Variants in AMZ1 observed in about 807,000 individuals in gnomAD.
AMZ1 encodes the protein archaemetzincin-1.
Under a neutral mutation model 29.9 loss-of-function variants are expected in AMZ1, and 39 were observed. That is an observed-to-expected ratio of 1.30 (90% confidence interval 1.01 to 1.70). AMZ1 has a LOEUF of 1.70. Among genes scored for constraint, AMZ1 ranks in the 40% most tolerant of loss-of-function variants. AMZ1 has a pLI of 0.00. For synonymous variants in AMZ1, 458 were observed against 304.0 expected (o/e 1.51, Z -5.27); for missense variants, 1,041 against 680.6 (o/e 1.53, Z -5.89).
intron 5 of AMZ1, 77 bp downstream of exon 5, chr7:2,709,321 C>T (rs958953633): frequency 6.6e-6 from 9 of 1,363,614 alleles, no homozygotes; most frequent in Non-Finnish European, 8.7e-6. Flanking sequence ...GTCTGTTACA[C>T]TGCCCCATCC....
intron 4 of AMZ1, among the ~76,000 whole-genome samples, chr7:2,754,894 T>C (rs1791217688): frequency 6.6e-6 from 1 of 152,246 alleles, no homozygotes; most frequent in Non-Finnish European, 1.5e-5. Context: ...TTTCTACTGT[T>C]ATCTTCTCTC....
In AMZ1 at chr7:2,709,079, G is replaced by A. The variant is rs149639626; in HGVS notation, c.606G>A (p.Val202=). ...CTTCTCTCCATCTCTCTCCAGAAGT[G>A]GGCGTCTGCAGCTTCGCCCGGTTCT... The part of the protein sequence containing the change: ...TFSKFLPGHE[V]GVCSFARFSG... The change falls in exon 5 of 7, where the codon GTG becomes GTA. Residue 202 remains valine, a synonymous_variant. Transcript: ENST00000683327. 8.9e-5 allele frequency: 141 copies of A among 1,588,152 alleles called. No homozygotes were observed. The highest frequency in any genetic ancestry group is 1.1e-4 in the Non-Finnish European group (134 of 1,167,414).
chr7:2,730,473 A>C (rs1019795294), intron 4 of AMZ1: 10 of 152,428 alleles, frequency 6.6e-5, no homozygotes, highest in African/African-American at 2.2e-4. Context: ...TAGGGGCGTA[A>C]GGTGAATCCA....
Position 2,714,792 on chromosome 7 carries a change from A to C in AMZ1, c.*1914A>C, listed in dbSNP as rs1789023657. The C allele has an allele frequency of 6.6e-6, 1 of 152,250 alleles. No homozygotes were observed. The highest frequency in any genetic ancestry group is 1.5e-5 in the Non-Finnish European group (1 of 68,028). 9.4% of individuals were successfully genotyped at this position (152,250 alleles called of 1,614,324 possible). On this transcript the variant is annotated 3_prime_UTR_variant, in exon 7 of 7. Transcript: ENST00000683327. Reference sequence around the variant, plus strand: ...GGTTCCTGCCCACGTGAGACTCTCCATGGAGGAGGGGCATCTTCTTAGGAA... The same window carrying C: ...GGTTCCTGCCCACGTGAGACTCTCCCTGGAGGAGGGGCATCTTCTTAGGAA...
rs538745419 is a variant in AMZ1 at position 2,696,537 on chromosome 7, G to C, written c.-218-3697G>C. Among the ~76,000 whole-genome samples the C allele has an allele frequency of 1.8e-4, 27 of 151,350 alleles. 1 individual carries two copies. The highest frequency in any genetic ancestry group is 1.2e-3 in the Admixed American group (19 of 15,224). On this transcript the variant is annotated intron_variant, in intron 1 of 6. Coordinates refer to ENST00000683327, the MANE Select transcript of AMZ1 (RefSeq NM_001384743.1). ...CTCCCAAAGTGCTGTGATTACAGGC[G>C]TGAGCCACCGCACCTGGCCAATAGT... is the stretch of plus-strand genomic sequence containing the variant.
chr7:2,746,778 TAA>T (rs1790784700), intron 4 of AMZ1, among the ~76,000 whole-genome samples: 1 of 151,978 alleles, frequency 6.6e-6, no homozygotes, highest in South Asian at 2.1e-4. Context: ...CTAGCAAGAC[TAA>T]TAAAGAAGAA....
chr7:2,746,883 A>G (rs528376959), intron 4 of AMZ1, among the ~76,000 whole-genome samples: 172 of 152,340 alleles, frequency 1.1e-3, no homozygotes, highest in Non-Finnish European at 2.1e-3. Context: ...AGAGAATACT[A>G]TCAACACCTC....
intron 1 of AMZ1, among the ~76,000 whole-genome samples, chr7:2,693,954 C>T (rs1275442805): frequency 6.6e-6 from 1 of 152,214 alleles, no homozygotes; most frequent in Non-Finnish European, 1.5e-5. Context: ...GAGCACCTAA[C>T]TCCATGGGGC....
intron 3 of AMZ1, 107 bp downstream of exon 3, chr7:2,702,996 G>T (rs1788149279): frequency 1.4e-6 from 2 of 1,396,436 alleles, no homozygotes; most frequent in Non-Finnish European, 9.5e-7. Flanking sequence ...CTTCCTTTTT[G>T]CTGGGAAACA....
At chr7:2,732,134 T>G (rs1340704327) in intron 4 of AMZ1, among the ~76,000 whole-genome samples, 1 of 152,248 alleles carries the variant, frequency 6.6e-6, no homozygotes, top group East Asian at 1.9e-4. Flanking sequence ...GTGAATTAAT[T>G]TAGGTTTTGA....
chr7:2,730,677 A>C (rs1789842506), intron 4 of AMZ1: 2 of 153,338 alleles, frequency 1.3e-5, no homozygotes, highest in African/African-American at 2.4e-5. Flanking sequence ...TCAGGCACTG[A>C]GTTTAGCAGC....
At position 2,712,983 on chromosome 7, in the gene AMZ1, C is replaced by T; in HGVS notation, c.*105C>T. 1 of 1,281,238 alleles carries T rather than the reference C, an allele frequency of 7.8e-7. No individual in the cohort carries two copies. The highest frequency in any genetic ancestry group is 1.0e-6 in the Non-Finnish European group (1 of 983,488). 79.4% of individuals were successfully genotyped at this position (1,281,238 alleles called of 1,614,324 possible). A position where few individuals can be genotyped will look rare whatever the true frequency, so the allele number is the denominator to read the frequency against. On this transcript the variant is annotated 3_prime_UTR_variant, in exon 7 of 7. Coordinates refer to ENST00000683327, the MANE Select transcript of AMZ1 (RefSeq NM_001384743.1). Reference sequence around the variant, plus strand: ...GCCAGGGATAAAGAGGAAGGGTCTGCCTGGGTGGTGGCTCAGGCCTGTCAT... The same window carrying T: ...GCCAGGGATAAAGAGGAAGGGTCTGTCTGGGTGGTGGCTCAGGCCTGTCAT...
chr7:2,737,267 TTGTTTTGTTTTTTTTTTTTTTG>T lies in AMZ1; in HGVS notation n.551-27443_551-27422del, dbSNP rs1394403219. On this transcript the variant is annotated intron_variant and non_coding_transcript_variant, in intron 4 of 4. Coordinates refer to the AMZ1 transcript ENST00000489665. ...CCCATTCAGGAGCTATCTCACAGTT[TTGTTTTGTTTTTTTTTTTTTTG>T]TTTTTTTTTTTTTTTTTGAGATGGA... 4.7e-4 allele frequency among the ~76,000 whole-genome samples: 31 copies of T among 66,056 alleles called. 1 individual carries two copies. The South Asian group carries it at 6.2e-3, about 13-fold the overall frequency. 43.3% of individuals were successfully genotyped at this position (66,056 alleles called of 152,430 possible).
chr7:2,722,183 G>T (rs1789452058), downstream of AMZ1, among the ~76,000 whole-genome samples: 1 of 152,204 alleles, frequency 6.6e-6, no homozygotes, highest in Non-Finnish European at 1.5e-5. Flanking sequence ...CCATGAGTAG[G>T]TGCCAAGCTT....
downstream of AMZ1, among the ~76,000 whole-genome samples, chr7:2,724,345 G>A (rs1189452330): frequency 6.6e-6 from 1 of 152,244 alleles, no homozygotes; most frequent in Non-Finnish European, 1.5e-5. Context: ...CTACTTCAAC[G>A]ACAAATAGGT....
At position 2,698,937 on chromosome 7, in the gene AMZ1, C is replaced by G. The variant is rs1157214192; in HGVS notation, c.-218-1297C>G. 2.0e-5 allele frequency among the ~76,000 whole-genome samples: 3 copies of G among 152,134 alleles called. No homozygotes were observed. In the East Asian group the frequency reaches 5.8e-4, roughly 29 times the overall value. ...CGGCTAGGACTGGCAGGTCTTGCAA[C>G]TTGACGGTCGCAGACAAGTGGGTTT... On this transcript the variant is annotated intron_variant, in intron 1 of 6. Transcript: ENST00000683327.
chr7:2,705,538 C>T (rs1281424641), intron 3 of AMZ1, among the ~76,000 whole-genome samples: 2 of 152,242 alleles, frequency 1.3e-5, no homozygotes, highest in East Asian at 1.9e-4. Context: ...TTAATCCACT[C>T]CTCCCCATCG....
chr7:2,698,823 G>A (rs1240259702), intron 1 of AMZ1, among the ~76,000 whole-genome samples: 1 of 152,162 alleles, frequency 6.6e-6, no homozygotes, highest in Non-Finnish European at 1.5e-5. Context: ...ACGAAACAGC[G>A]AGACCCTATC....
chr7:2,708,750 G>A (rs1303012125), intron 4 of AMZ1, 34 bp downstream of exon 4: 9 of 1,610,810 alleles, frequency 5.6e-6, no homozygotes, highest in Non-Finnish European at 6.8e-6. Flanking sequence ...TGCGTGGGGG[G>A]TAGCCTGGCA....
Sources: allele counts gnomAD v4.1 joint callset (sites outside exome capture counted in the v4.1 genomes callset), GRCh38; gene constraint gnomAD v4.1.1; transcripts MANE v1.5; gene names NCBI Gene and HGNC (gene_info 2026-07-23, HGNC 2026-07-21).